Variants in TPRG1 observed in about 807,000 individuals in gnomAD.
TPRG1 encodes the protein tumor protein p63-regulated gene 1 protein.
In TPRG1, 29 loss-of-function variants were observed where a neutral mutation model predicts 29.3. That is an observed-to-expected ratio of 0.99 (90% CI 0.74 to 1.35). The LOEUF (loss-of-function observed/expected upper bound fraction) is 1.35. Among genes scored for constraint, TPRG1 ranks in the 40% most tolerant of loss-of-function variants. The probability of loss-of-function intolerance (pLI) is 0.00; values close to 1 mark genes in which losing one functional copy is unlikely to be tolerated. For missense variants in TPRG1, 327 were observed against 335.0 expected, an observed-to-expected ratio of 0.98 and a Z score of 0.19; for synonymous variants, 130 against 116.8, an observed-to-expected ratio of 1.11 and a Z score of -0.73.
At chr3:189,144,197 C>T (rs1724946399) in intron 3 of TPRG1, among the ~76,000 whole-genome samples, 1 of 152,132 alleles carries the variant, frequency 6.6e-6, no homozygotes, top group Non-Finnish European at 1.5e-5. Flanking sequence ...ACTGGGAGTA[C>T]AATGATGAAC....
chr3:189,029,711 G>T (rs1360055199), intron 4 of TPRG1, among the ~76,000 whole-genome samples: 1 of 152,174 alleles, frequency 6.6e-6, no homozygotes, highest in Non-Finnish European at 1.5e-5. Context: ...CTAGTGGGAG[G>T]TGTTTGGATC....
chr3:189,071,067 G>GAAAA (rs74731300), intron 4 of TPRG1, among the ~76,000 whole-genome samples: 1 of 76,170 alleles, frequency 1.3e-5, no homozygotes, highest in Non-Finnish European at 3.3e-5. Context: ...CAAAGAAAAA[G>GAAAA]AAAAAAAAAA....
intron 1 of TPRG1, among the ~76,000 whole-genome samples, chr3:189,173,339 C>CTTTTTT (rs549433698): frequency 2.3e-5 from 3 of 130,324 alleles, no homozygotes; most frequent in African/African-American, 3.4e-5. Context: ...TTCTTTTCTT[C>CTTTTTT]TTCTTTTTTT....
At chr3:189,185,377 C>T (rs1280638888) in intron 1 of TPRG1, among the ~76,000 whole-genome samples, 1 of 152,042 alleles carries the variant, frequency 6.6e-6, no homozygotes, top group East Asian at 1.9e-4. Flanking sequence ...GAATATGCCA[C>T]TCCAGCTGGG....
intron 3 of TPRG1, among the ~76,000 whole-genome samples, chr3:189,136,558 A>T (rs933646216): frequency 1.3e-5 from 2 of 152,206 alleles, no homozygotes; most frequent in African/African-American, 4.8e-5. Flanking sequence ...TCCTGGCTTC[A>T]ATTAACAAAA....
chr3:189,272,091 G>C (rs1008782492), intron 4 of TPRG1, among the ~76,000 whole-genome samples: 32 of 152,172 alleles, frequency 2.1e-4, no homozygotes, highest in Non-Finnish European at 4.4e-5. Flanking sequence ...ACATGATATA[G>C]GAGTACAACT....
At chr3:189,219,694 G>T (rs1560569192) in intron 3 of TPRG1, 2 of 1,275,022 alleles carry the variant, frequency 1.6e-6, no homozygotes, top group Non-Finnish European at 2.0e-6. Flanking sequence ...GTCTACAATG[G>T]TTAAAGAGAC....
intron 4 of TPRG1, among the ~76,000 whole-genome samples, chr3:189,287,193 G>C (rs1289101294): frequency 6.6e-6 from 1 of 152,072 alleles, no homozygotes; most frequent in Non-Finnish European, 1.5e-5. Flanking sequence ...AAGAGAGGAG[G>C]CAAAGAGCTT....
chr3:189,277,308 G>A (rs1050887005), intron 4 of TPRG1, among the ~76,000 whole-genome samples: 3 of 151,982 alleles, frequency 2.0e-5, no homozygotes, highest in Admixed American at 6.6e-5. Context: ...ACACACATAC[G>A]CACACAACAC....
At chr3:189,272,785 C>G (rs1413245442) in intron 4 of TPRG1, among the ~76,000 whole-genome samples, 1 of 149,526 alleles carries the variant, frequency 6.7e-6, no homozygotes, top group African/African-American at 2.5e-5. Context: ...CCCTCTCTTT[C>G]TTTTCTACAA....
intron 1 of TPRG1, among the ~76,000 whole-genome samples, chr3:189,106,753 T>C (rs1469033883): frequency 2.0e-5 from 3 of 152,180 alleles, no homozygotes; most frequent in Non-Finnish European, 2.9e-5. Flanking sequence ...CTTGTGTTTT[T>C]CAAAGAATTT....
At chr3:189,267,695 G>C (rs969414473) in intron 4 of TPRG1, 2 of 152,250 alleles carry the variant, frequency 1.3e-5, no homozygotes, top group Non-Finnish European at 2.9e-5. Context: ...GTGGAAGAGA[G>C]GAGAACATGC....
In TPRG1 at chr3:189,022,716, A is replaced by C. The variant is rs147012417; in HGVS notation, c.-659-1034A>C. ...GCCCTGCCCCCAGAGGTGGAGCCTA[A>C]AGAGGCAGGCAGGCCTCCTTGAGCT... On this transcript the variant is annotated intron_variant, in intron 3 of 10. Coordinates refer to the TPRG1 transcript ENST00000433971. Among the ~76,000 whole-genome samples the C allele has an allele frequency of 2.3e-3, 346 of 152,318 alleles. 1 individual carries two copies. The highest frequency in any genetic ancestry group is 3.4e-3 in the Non-Finnish European group (229 of 68,018).
intron 4 of TPRG1, among the ~76,000 whole-genome samples, chr3:189,053,264 C>T (rs1281781658): frequency 6.6e-6 from 1 of 152,186 alleles, no homozygotes; most frequent in Non-Finnish European, 1.5e-5. Flanking sequence ...TCTTCTGCAG[C>T]TTCCTCACCT....
intron 4 of TPRG1, among the ~76,000 whole-genome samples, chr3:189,062,237 G>A (rs961768938): frequency 2.7e-5 from 4 of 150,038 alleles, no homozygotes; most frequent in Admixed American, 6.6e-5. Flanking sequence ...GCTAAATGAC[G>A]AGGACCTGTG....
chr3:189,136,899 C>T (rs1260861138), intron 3 of TPRG1, among the ~76,000 whole-genome samples: 3 of 152,150 alleles, frequency 2.0e-5, no homozygotes, highest in African/African-American at 7.2e-5. Context: ...ATCATTCAGT[C>T]ACTCAATGAT....
intron 4 of TPRG1, among the ~76,000 whole-genome samples, chr3:189,090,035 C>T (rs1360410625): frequency 6.6e-6 from 1 of 151,380 alleles, no homozygotes; most frequent in Admixed American, 6.6e-5. Context: ...TTTTCAATAG[C>T]CATTGGATTT....
At chr3:189,217,793 A>G in intron 3 of TPRG1, 1 of 978,948 alleles carries the variant, frequency 1.0e-6, no homozygotes, top group South Asian at 4.7e-5. Context: ...AGAAAAAATA[A>G]TTGTCAAAAA....
chr3:189,101,492 A>C (rs1719197321), intron 1 of TPRG1, among the ~76,000 whole-genome samples: 1 of 152,136 alleles, frequency 6.6e-6, no homozygotes, highest in Non-Finnish European at 1.5e-5. Flanking sequence ...GACCTCTGGC[A>C]ACCATGGACC....
Sources: allele counts gnomAD v4.1 joint callset (sites outside exome capture counted in the v4.1 genomes callset), GRCh38; gene constraint gnomAD v4.1.1; transcripts MANE v1.5; gene names NCBI Gene and HGNC (gene_info 2026-07-23, HGNC 2026-07-21).